The following GNPTG variants were observed in gnomAD, a reference collection of about 807,000 sequenced individuals.
GNPTG encodes N-acetylglucosamine-1-phosphate transferase subunit gamma.
In GNPTG, 46 loss-of-function variants were observed where a neutral mutation model predicts 43.8. The ratio of observed to expected loss-of-function variants is 1.05; its 90% confidence interval spans 0.83 to 1.34. GNPTG has a LOEUF of 1.34. GNPTG is among the 40% of genes most tolerant of loss of function. The pLI is 0.00. For missense variants in GNPTG, 549 were observed against 411.3 expected, an observed-to-expected ratio of 1.33 and a Z score of -2.90; for synonymous variants, 250 against 172.8, an observed-to-expected ratio of 1.45 and a Z score of -3.50.
chr16:1,361,983 A>C (rs367754651), intron 5 of GNPTG, 28 bp downstream of exon 5: 2 of 1,613,248 alleles, frequency 1.2e-6, no homozygotes, highest in South Asian at 1.1e-5. Flanking sequence ...AGGGATCCCA[A>C]AGCAGCAGCG....
At position 1,364,079 on chromosome 16, in the gene GNPTG, C is replaced by T. The variant is rs1325260319; in HGVS notation, c.*988C>T. 2 of 152,206 alleles carry T rather than the reference C, an allele frequency of 1.3e-5. No individual in the cohort carries two copies. Among genetic ancestry groups the T allele is most frequent in the Non-Finnish European group, 2.9e-5 (2 of 68,040 alleles). The allele number at this position is 152,206 out of a possible 1,614,324, so 9.4% of individuals were successfully genotyped here. The stretch of plus-strand genomic sequence containing the variant: ...AGAGGCTCCAAATGGGAACCAAGTG[C>T]ATAAATACAAATAAAAACAGAGTTT... On this transcript the variant is annotated 3_prime_UTR_variant, in exon 11 of 11. Transcript: ENST00000204679.
chr16:1,360,408 C>T (rs1036168149), intron 3 of GNPTG, among the ~76,000 whole-genome samples: 13 of 152,156 alleles, frequency 8.5e-5, no homozygotes, highest in Non-Finnish European at 1.5e-4. Flanking sequence ...CGGATCACTT[C>T]AGGTCCACAG....
intron 3 of GNPTG, among the ~76,000 whole-genome samples, chr16:1,356,862 AGAGCGGGAATCTGC>A (rs2034785214): frequency 1.4e-5 from 2 of 143,890 alleles, no homozygotes; most frequent in African/African-American, 2.6e-5. Flanking sequence ...CGGGAGTGTG[AGAGCGGGAATCTGC>A]GGGCGGGGGT....
In GNPTG at chr16:1,361,930, T is replaced by C; in HGVS notation, c.292T>C (p.Trp98Arg). Residue 98 changes from tryptophan (W) to arginine (R), a missense_variant, in exon 5 of 11, where the codon TGG becomes CGG. Trp to Arg is a moderately radical substitution (Grantham distance 101, BLOSUM62 -3). Coordinates refer to ENST00000204679, the MANE Select transcript of GNPTG (RefSeq NM_032520.5). ...NVTQHEQTFR[W>R]NAYSGILGIW... is the part of the protein sequence containing the mutation. The stretch of plus-strand genomic sequence containing the variant: ...GACCCAGCACGAGCAGACCTTCCGC[T>C]GGAACGCCTACAGTGGGATCCTCGG... 1 of 1,613,664 alleles carries C rather than the reference T, an allele frequency of 6.2e-7. No homozygotes were observed. Among genetic ancestry groups the C allele is most frequent in the Non-Finnish European group, 8.5e-7 (1 of 1,180,038 alleles).
chr16:1,362,748 G>T lies in GNPTG; in HGVS notation c.741+6G>T, dbSNP rs371060844. On this transcript the variant is annotated splice_donor_region_variant and intron_variant, in intron 9 of 10. Coordinates refer to ENST00000204679, the MANE Select transcript of GNPTG (RefSeq NM_032520.5). The stretch of plus-strand genomic sequence containing the variant: ...CCCTGGAAAACTGCAGGAAGGTACC[G>T]TATTGGGGGGAGGTGGTGGCACGCA... The T allele has an allele frequency of 1.2e-6, 2 of 1,614,080 alleles. No homozygotes were observed. The highest frequency in any genetic ancestry group is 1.6e-4 in the Middle Eastern group (1 of 6,062).
At position 1,361,774 on chromosome 16, in the gene GNPTG, G is replaced by A. The variant is rs372039531; in HGVS notation, c.210G>A (p.Lys70=). Residue 70 remains lysine (K), a synonymous_variant, in exon 4 of 11, where the codon AAG becomes AAA. Coordinates refer to ENST00000204679, the MANE Select transcript of GNPTG (RefSeq NM_032520.5). The part of the protein sequence containing the change: ...GPVHLFRLSG[K]CFSLVESTYK... The stretch of plus-strand genomic sequence containing the variant: ...TGCATCTCTTCCGACTCTCGGGCAA[G>A]TGCTTCAGCCTGGTGGAGTCCACGT... 2 of 1,614,072 alleles carry A rather than the reference G, an allele frequency of 1.2e-6. No homozygotes were observed. Among genetic ancestry groups the A allele is most frequent in the African/African-American group, 2.7e-5 (2 of 74,934 alleles).
intron 3 of GNPTG, chr16:1,361,067 G>A (rs914427082): frequency 6.6e-6 from 1 of 152,480 alleles, no homozygotes; most frequent in African/African-American, 2.4e-5. Context: ...TGAGTAGCTG[G>A]GATTACAGGT....
intron 3 of GNPTG, among the ~76,000 whole-genome samples, chr16:1,359,910 G>T (rs375288825): frequency 6.6e-6 from 1 of 151,856 alleles, no homozygotes; most frequent in Non-Finnish European, 1.5e-5. Flanking sequence ...AGGAGTTTGA[G>T]ACCATCCTGG....
chr16:1,363,623 G>A lies in GNPTG; in HGVS notation c.*532G>A, dbSNP rs771445582. 1.0e-4 allele frequency: 20 copies of A among 197,478 alleles called. No homozygotes were observed. In the East Asian group the frequency reaches 2.2e-3, roughly 22 times the overall value. 12.2% of individuals were successfully genotyped at this position (197,478 alleles called of 1,614,324 possible). A position where few individuals can be genotyped will look rare whatever the true frequency, so the allele number is the denominator to read the frequency against. ...GCCACAGGGGGGAGCTGCTGGGCGC[G>A]CCTCCACCTCAGCCTCCACGGGGCA... On this transcript the variant is annotated 3_prime_UTR_variant, in exon 11 of 11. Transcript: ENST00000204679.
intron 3 of GNPTG, among the ~76,000 whole-genome samples, chr16:1,355,346 C>G (rs116162839): frequency 1.3e-5 from 2 of 152,154 alleles, no homozygotes; most frequent in African/African-American, 4.8e-5. Context: ...GTGGAATGAG[C>G]TGAGCAGAAA....
intron 3 of GNPTG, chr16:1,359,123 T>G (rs1358053400): frequency 6.6e-6 from 1 of 152,260 alleles, no homozygotes; most frequent in African/African-American, 2.4e-5. Context: ...CCCGAAGTGC[T>G]GGGATTCCCG....
chr16:1,356,118 C>T (rs1319463821), intron 3 of GNPTG, among the ~76,000 whole-genome samples: 3 of 151,980 alleles, frequency 2.0e-5, no homozygotes, highest in Admixed American at 1.3e-4. Context: ...AGAGACGCAG[C>T]CCTAGGGGGA....
rs146171435 is a variant in GNPTG, at chr16:1,362,528, C to T, written c.603C>T (p.Thr201=). 115 of 1,614,174 alleles carry T rather than the reference C, an allele frequency of 7.1e-5. No homozygotes were observed. In the African/African-American group the frequency reaches 1.4e-3, roughly 19 times the overall value. Residue 201 remains threonine (T), a synonymous_variant, in exon 8 of 11, where the codon ACC becomes ACT. Coordinates refer to ENST00000204679, the MANE Select transcript of GNPTG (RefSeq NM_032520.5). ...AGGACCTGGCCGATGAGCTGATCAC[C>T]CCCCAGGTAAGCGTGCGCTCGGGGT... ...VEQDLADELI[T]PQGHEKLLRT...
intron 7 of GNPTG, 39 bp downstream of exon 7, chr16:1,362,359 C>A (rs760119368): frequency 1.2e-6 from 2 of 1,608,652 alleles, no homozygotes. Context: ...GTGGGGTCAG[C>A]CGCGCACGCA....
rs776361173 is a variant in GNPTG at position 1,352,007 on chromosome 16, C to G, written c.42C>G (p.Leu14=). 2.7e-6 allele frequency: 4 copies of G among 1,458,604 alleles called. No individual in the cohort carries two copies. Among genetic ancestry groups the G allele is most frequent in the Non-Finnish European group, 3.6e-6 (4 of 1,110,446 alleles). 90.4% of individuals were successfully genotyped at this position (1,458,604 alleles called of 1,614,324 possible). A position where few individuals can be genotyped will look rare whatever the true frequency, so the allele number is the denominator to read the frequency against. ...CGCGGCTCCTGTTGCTCCTCGGGCTCTCGGCCGGCGGTGAGTGGCCCGGCC... is the reference window on the plus strand; with the variant it reads ...CGCGGCTCCTGTTGCTCCTCGGGCTGTCGGCCGGCGGTGAGTGGCCCGGCC... ...GLARLLLLLG[L]SAGGPAPAGA... Residue 14 remains leucine (L), a synonymous_variant, in exon 1 of 11, where the codon CTC becomes CTG. Coordinates refer to ENST00000204679, the MANE Select transcript of GNPTG (RefSeq NM_032520.5).
At position 1,361,979 on chromosome 16, in the gene GNPTG, C is replaced by T. The variant is rs756586617; in HGVS notation, c.317+24C>T. Reference sequence around the variant, plus strand: ...GGGTGAGTGGGGCCGGGGCAGGGATCCCAAAGCAGCAGCGCAGCTCCCCAC... The same window carrying T: ...GGGTGAGTGGGGCCGGGGCAGGGATTCCAAAGCAGCAGCGCAGCTCCCCAC... On this transcript the variant is annotated intron_variant, in intron 5 of 10. Coordinates refer to ENST00000204679, the MANE Select transcript of GNPTG (RefSeq NM_032520.5). The T allele has an allele frequency of 8.1e-6, 13 of 1,613,266 alleles. 1 individual carries two copies. In the South Asian group the frequency reaches 1.4e-4, roughly 18 times the overall value.
At chr16:1,361,496 T>C (rs2141861072) in intron 3 of GNPTG, 1 of 460,390 alleles carries the variant, frequency 2.2e-6, no homozygotes, top group East Asian at 4.4e-5. Flanking sequence ...TACAAAAAAT[T>C]AGCCGGGCAT....
intron 3 of GNPTG, among the ~76,000 whole-genome samples, chr16:1,353,459 C>T (rs981997248): frequency 2.0e-5 from 3 of 152,146 alleles, no homozygotes; most frequent in Admixed American, 6.6e-5. Context: ...ATGAAAAATG[C>T]CATGTAGATG....
rs114588645 is a variant in GNPTG at position 1,355,700 on chromosome 16, G to C, written c.178+3394G>C. Among the ~76,000 whole-genome samples, 1,228 of 152,234 alleles carry C rather than the reference G, an allele frequency of 8.1e-3. 12 individuals are homozygous for C. Among genetic ancestry groups the C allele is most frequent in the African/African-American group, 0.027 (1,134 of 41,516 alleles). ...CTGTCCAGGAGGGAGCTCTGCCTCG[G>C]TGGCGGTGGGAGGGAGCGGCCAGCT... On this transcript the variant is annotated intron_variant, in intron 3 of 10. Transcript: ENST00000204679.
Sources: gnomAD v4.1 joint callset for allele counts (sites outside exome capture counted in the v4.1 genomes callset) on GRCh38, gnomAD v4.1.1 for gene constraint, MANE v1.5 for transcripts, NCBI Gene and HGNC (gene_info 2026-07-23, HGNC 2026-07-21) for gene names.